The following ASB4 variants were observed in gnomAD, a reference collection of about 807,000 sequenced individuals.
ASB4 encodes the protein ankyrin repeat and SOCS box containing 4.
Under a neutral mutation model 38.6 loss-of-function variants are expected in ASB4, and 35 were observed. That is an observed-to-expected ratio of 0.91 (90% CI 0.69 to 1.20). The LOEUF is 1.20. ASB4 is among the 50% of genes most tolerant of loss of function. ASB4 has a pLI of 0.00. For missense variants in ASB4, 557 were observed against 527.2 expected, an observed-to-expected ratio of 1.06 and a Z score of -0.55; for synonymous variants, 195 against 201.3, an observed-to-expected ratio of 0.97 and a Z score of 0.26.
downstream of ASB4, among the ~76,000 whole-genome samples, chr7:95,540,650 T>A (rs1790958982): frequency 6.6e-6 from 1 of 152,324 alleles, no homozygotes; most frequent in Non-Finnish European, 1.5e-5. Flanking sequence ...GGATCTACTG[T>A]CTTGAAGAAA....
intron 3 of ASB4, among the ~76,000 whole-genome samples, chr7:95,533,784 C>T (rs541167996): frequency 1.2e-4 from 19 of 152,202 alleles, no homozygotes; most frequent in Non-Finnish European, 1.9e-4. Flanking sequence ...GATTGTTCAA[C>T]GGCTGAGCAA....
intron 2 of ASB4, 154 bp downstream of exon 2, chr7:95,496,211 T>C (rs955928489): frequency 5.0e-6 from 3 of 605,418 alleles, no homozygotes; most frequent in Non-Finnish European, 8.4e-6. Context: ...TTCTGTTGAT[T>C]CAGGTAATTC....
At chr7:95,499,540 T>C (rs140419892) in intron 2 of ASB4, among the ~76,000 whole-genome samples, 4 of 152,282 alleles carry the variant, frequency 2.6e-5, no homozygotes, top group African/African-American at 9.6e-5. Flanking sequence ...CTGACAAAAA[T>C]AGTTTTGGTG....
At chr7:95,515,282 T>TTTCC (rs1790558828) in intron 2 of ASB4, among the ~76,000 whole-genome samples, 1 of 112,564 alleles carries the variant, frequency 8.9e-6, no homozygotes, top group Non-Finnish European at 1.8e-5. Flanking sequence ...TCTTTCTTTC[T>TTTCC]TTCTTTCTTT....
intron 3 of ASB4, among the ~76,000 whole-genome samples, chr7:95,535,465 A>G (rs1038698446): frequency 6.6e-6 from 1 of 152,186 alleles, no homozygotes; most frequent in African/African-American, 2.4e-5. Flanking sequence ...AACTGATACG[A>G]AACTCATGAT....
At chr7:95,502,649 T>A (rs943902547) in intron 2 of ASB4, among the ~76,000 whole-genome samples, 2 of 152,208 alleles carry the variant, frequency 1.3e-5, no homozygotes, top group African/African-American at 4.8e-5. Flanking sequence ...TCACATGACC[T>A]GCAGTACACT....
upstream of ASB4, among the ~76,000 whole-genome samples, chr7:95,485,493 T>C (rs1294002622): frequency 6.6e-6 from 1 of 152,178 alleles, no homozygotes; most frequent in Non-Finnish European, 1.5e-5. Context: ...CAAGCTCATA[T>C]TGCAAAATTA....
chr7:95,528,223 C>G lies in ASB4; in HGVS notation c.898C>G (p.Pro300Ala), dbSNP rs573754857. Residue 300 changes from proline to alanine, a missense_variant, in exon 3 of 5, where the codon CCT becomes GCT. Coordinates refer to ENST00000325885, the MANE Select transcript of ASB4 (RefSeq NM_016116.3). ...CGTGCTGAAGGTCACCTCCGTGCGCCCTGCTGCCCAGCCTGAGATCTGCTA... is the reference window on the plus strand; with the variant it reads ...CGTGCTGAAGGTCACCTCCGTGCGCGCTGCTGCCCAGCCTGAGATCTGCTA... The part of the protein sequence containing the change: ...QYVLKVTSVR[P>A]AAQPEICYQL... The G allele has an allele frequency of 6.2e-7, 1 of 1,614,120 alleles. No individual in the cohort carries two copies. Among genetic ancestry groups the G allele is most frequent in the Admixed American group, 1.7e-5 (1 of 60,018 alleles).
At chr7:95,496,158 G>T in intron 2 of ASB4, 101 bp downstream of exon 2, 1 of 1,153,362 alleles carries the variant, frequency 8.7e-7, no homozygotes, top group Middle Eastern at 3.0e-4. Flanking sequence ...TAAGCATAAA[G>T]ATGCAATTAT....
At chr7:95,527,401 T>C (rs1009517583) in intron 2 of ASB4, among the ~76,000 whole-genome samples, 11 of 152,238 alleles carry the variant, frequency 7.2e-5, no homozygotes, top group Non-Finnish European at 1.3e-4. Context: ...TCTAAACAGT[T>C]GATTTTTAAA....
At chr7:95,547,699 T>C in the ASB4 span, among the ~76,000 whole-genome samples, 2 of 152,168 alleles carry the variant, frequency 1.3e-5, no homozygotes, top group African/African-American at 4.8e-5. Context: ...TAATAAACAT[T>C]TAAGTTAATA....
chr7:95,481,447 C>T (rs186423481), upstream of ASB4, among the ~76,000 whole-genome samples: 19 of 152,208 alleles, frequency 1.2e-4, no homozygotes, highest in Admixed American at 1.2e-3. Context: ...GATGTCAGAC[C>T]ACTTAATCAT....
chr7:95,484,680 T>G (rs994714347), upstream of ASB4, among the ~76,000 whole-genome samples: 3 of 152,136 alleles, frequency 2.0e-5, no homozygotes, highest in Non-Finnish European at 4.4e-5. Flanking sequence ...CTGCAGAAAG[T>G]TTGCACCAGT....
upstream of ASB4, among the ~76,000 whole-genome samples, chr7:95,483,191 G>T (rs1790038321): frequency 6.6e-6 from 1 of 152,208 alleles, no homozygotes; most frequent in Non-Finnish European, 1.5e-5. Context: ...AGGACAATGA[G>T]TCCATCTGAG....
intron 2 of ASB4, among the ~76,000 whole-genome samples, chr7:95,514,745 C>T (rs924934604): frequency 2.7e-4 from 41 of 152,130 alleles, no homozygotes; most frequent in Admixed American, 7.2e-4. Context: ...ATAGAGGGAG[C>T]CTTACCCTGA....
chr7:95,525,083 A>G (rs1236946467), intron 2 of ASB4, among the ~76,000 whole-genome samples: 1 of 152,196 alleles, frequency 6.6e-6, no homozygotes, highest in Non-Finnish European at 1.5e-5. Flanking sequence ...CACAGAGAAA[A>G]TGCCATGTGA....
At chr7:95,537,442 T>C (rs1245989998) in intron 4 of ASB4, 129 bp from the exon 5 acceptor site, 29 of 649,960 alleles carry the variant, frequency 4.5e-5, no homozygotes, top group Non-Finnish European at 7.2e-5. Flanking sequence ...TGCGTTTAAT[T>C]TTTGCCTCAC....
chr7:95,476,714 A>G (rs1463157586), upstream of ASB4, among the ~76,000 whole-genome samples: 9 of 152,200 alleles, frequency 5.9e-5, no homozygotes, highest in Admixed American at 5.9e-4. Flanking sequence ...CCTAGGAGAA[A>G]AATTGTGAGC....
intron 4 of ASB4, among the ~76,000 whole-genome samples, 168 bp downstream of exon 4, chr7:95,536,718 C>T (rs1452524696): frequency 6.6e-6 from 1 of 152,122 alleles, no homozygotes; most frequent in Non-Finnish European, 1.5e-5. Flanking sequence ...GTTAATATTT[C>T]CATCAAATAT....
Sources: gnomAD v4.1 joint callset for allele counts (sites outside exome capture counted in the v4.1 genomes callset) on GRCh38, gnomAD v4.1.1 for gene constraint, MANE v1.5 for transcripts, NCBI Gene and HGNC (gene_info 2026-07-23, HGNC 2026-07-21) for gene names.